Variants in UPK1B observed in about 807,000 individuals in gnomAD.
The protein encoded by UPK1B is uroplakin 1B.
UPK1B carries 28 observed loss-of-function variants against 34.2 expected under a neutral mutation model. That is an observed-to-expected ratio of 0.82 (90% CI 0.61 to 1.12). UPK1B has a LOEUF of 1.12. Among genes scored for constraint, UPK1B ranks in the 50% most tolerant of loss-of-function variants. The probability of loss-of-function intolerance (pLI) is 0.00; values close to 1 mark genes in which losing one functional copy is unlikely to be tolerated. For synonymous variants in UPK1B, 81 were observed against 110.4 expected (o/e 0.73, Z 1.67); for missense variants, 325 against 320.9 (o/e 1.01, Z -0.10).
rs376288568 is a variant in UPK1B, at chr3:119,190,938, T to C, written c.346-44T>C. 33 of 1,604,722 alleles carry C rather than the reference T, an allele frequency of 2.1e-5. No homozygotes were observed. In the African/African-American group the frequency reaches 3.9e-4, roughly 19 times the overall value. ...AAAATATTTTCCTCTCCTTGAAAAT[T>C]AGCGTGCTATCTCTCCCTCTTGTGT... is the stretch of plus-strand genomic sequence containing the variant. On this transcript the variant is annotated intron_variant, in intron 4 of 7. Coordinates refer to ENST00000264234, the MANE Select transcript of UPK1B (RefSeq NM_006952.4).
At chr3:119,185,091 T>C (rs532569067) in intron 1 of UPK1B, among the ~76,000 whole-genome samples, 2 of 152,236 alleles carry the variant, frequency 1.3e-5, no homozygotes, top group Non-Finnish European at 2.9e-5. Flanking sequence ...ATGAATGGCA[T>C]TTCTAAGCAG....
chr3:119,194,135 T>C, intron 5 of UPK1B, 84 bp from the exon 6 acceptor site: 2 of 1,339,390 alleles, frequency 1.5e-6, no homozygotes, highest in Non-Finnish European at 2.0e-6. Context: ...CCGTATCTTC[T>C]TTCTCTATAA....
At chr3:119,185,186 G>C (rs766292225) in intron 1 of UPK1B, among the ~76,000 whole-genome samples, 1 of 152,202 alleles carries the variant, frequency 6.6e-6, no homozygotes, top group Non-Finnish European at 1.5e-5. Flanking sequence ...CAAATTCTGA[G>C]CTAAAAGTGC....
rs555457884 is a variant in UPK1B, at chr3:119,204,963, T to C, written c.*996T>C. 6.6e-6 allele frequency: 1 copy of C among 152,280 alleles called. No individual in the cohort carries two copies. Among genetic ancestry groups the C allele is most frequent in the Admixed American group, 6.5e-5 (1 of 15,296 alleles). 9.4% of individuals were successfully genotyped at this position (152,280 alleles called of 1,614,324 possible). A position where few individuals can be genotyped will look rare whatever the true frequency, so the allele number is the denominator to read the frequency against. On this transcript the variant is annotated 3_prime_UTR_variant, in exon 8 of 8. Coordinates refer to ENST00000264234, the MANE Select transcript of UPK1B (RefSeq NM_006952.4). ...AGTCTTTGCCCTGAATGGTCTCAGC[T>C]TGAGACCATTTCAAACTGGAGAGAA...
rs568682676 is a variant in UPK1B, at chr3:119,204,346, A to G, written c.*379A>G. ...CCTGTATCTCTCACTATTATCTAAA[A>G]GAAACCTTCCAATGCTTCTGTTGAT... is the stretch of plus-strand genomic sequence containing the variant. On this transcript the variant is annotated 3_prime_UTR_variant, in exon 8 of 8. Coordinates refer to ENST00000264234, the MANE Select transcript of UPK1B (RefSeq NM_006952.4). The G allele has an allele frequency of 5.3e-6, 1 of 188,262 alleles. No individual in the cohort carries two copies. The highest frequency in any genetic ancestry group is 1.1e-5 in the Non-Finnish European group (1 of 90,726). 11.7% of individuals were successfully genotyped at this position (188,262 alleles called of 1,614,324 possible). A position where few individuals can be genotyped will look rare whatever the true frequency, so the allele number is the denominator to read the frequency against.
intron 5 of UPK1B, among the ~76,000 whole-genome samples, chr3:119,193,576 T>C (rs2078052930): frequency 6.6e-6 from 1 of 152,162 alleles, no homozygotes. Flanking sequence ...CACCAGGTTA[T>C]TTTTTTCACT....
chr3:119,201,961 G>A (rs1221037457), intron 7 of UPK1B, among the ~76,000 whole-genome samples: 1 of 152,140 alleles, frequency 6.6e-6, no homozygotes, highest in African/African-American at 2.4e-5. Context: ...ATGTTTAAAG[G>A]CTTTGAGTAT....
At chr3:119,202,595 G>A (rs1273511239) in intron 7 of UPK1B, among the ~76,000 whole-genome samples, 2 of 152,140 alleles carry the variant, frequency 1.3e-5, no homozygotes, top group African/African-American at 4.8e-5. Flanking sequence ...GGAAATTTAA[G>A]TGACTTGGCT....
chr3:119,174,936 A>G (rs1014971689), intron 1 of UPK1B, among the ~76,000 whole-genome samples: 1 of 146,346 alleles, frequency 6.8e-6, no homozygotes, highest in Non-Finnish European at 1.5e-5. Flanking sequence ...AGACTTTTAC[A>G]TCCAAAGGGG....
intron 7 of UPK1B, among the ~76,000 whole-genome samples, chr3:119,200,614 C>T (rs1267235705): frequency 6.6e-6 from 1 of 152,058 alleles, no homozygotes; most frequent in Non-Finnish European, 1.5e-5. Flanking sequence ...TTGATATTGC[C>T]ACATGGAAAA....
At chr3:119,183,284 T>TTTTTTC (rs1559900872) in intron 1 of UPK1B, among the ~76,000 whole-genome samples, 1 of 150,684 alleles carries the variant, frequency 6.6e-6, no homozygotes. Context: ...TTTTTTTTTT[T>TTTTTTC]TGGAGATGGA....
chr3:119,203,757 A>G (rs952904578), intron 7 of UPK1B, among the ~76,000 whole-genome samples, 160 bp from the exon 8 acceptor site: 1 of 152,056 alleles, frequency 6.6e-6, no homozygotes, highest in Non-Finnish European at 1.5e-5. Flanking sequence ...CTGTACATGT[A>G]TCCTGTTTTT....
intron 1 of UPK1B, among the ~76,000 whole-genome samples, chr3:119,185,977 C>G (rs2078016054): frequency 6.6e-6 from 1 of 152,190 alleles, no homozygotes; most frequent in South Asian, 2.1e-4. Context: ...GGTCTCTAGC[C>G]TAGCTCTGCC....
At chr3:119,185,240 G>T (rs2078012653) in intron 1 of UPK1B, among the ~76,000 whole-genome samples, 1 of 152,176 alleles carries the variant, frequency 6.6e-6, no homozygotes, top group African/African-American at 2.4e-5. Flanking sequence ...CAGGTAAACA[G>T]ATAAAGGAAA....
Position 119,184,722 on chromosome 3 carries a change from T to A in UPK1B, c.-28-1992T>A, listed in dbSNP as rs1159147285. ...GCCTGGGCAACAGAGCAAGACTCTG[T>A]CTCAAAAAATAATAATAATAATAAA... On this transcript the variant is annotated intron_variant, in intron 1 of 7. Transcript: ENST00000264234. Among the ~76,000 whole-genome samples, 3 of 151,956 alleles carry A rather than the reference T, an allele frequency of 2.0e-5. No individual in the cohort carries two copies. The East Asian group carries it at 5.8e-4, about 29-fold the overall frequency.
intron 5 of UPK1B, among the ~76,000 whole-genome samples, chr3:119,193,127 T>C (rs537715641): frequency 6.6e-6 from 1 of 152,322 alleles, no homozygotes; most frequent in South Asian, 2.1e-4. Context: ...CTACTCCCGC[T>C]TAGTCTCCTC....
At chr3:119,176,887 A>G (rs1457647761) in intron 1 of UPK1B, among the ~76,000 whole-genome samples, 1 of 152,254 alleles carries the variant, frequency 6.6e-6, no homozygotes, top group Non-Finnish European at 1.5e-5. Flanking sequence ...AAGAGGACAC[A>G]TCATATCATT....
At chr3:119,186,945 G>T in intron 2 of UPK1B, 135 bp downstream of exon 2, 1 of 851,126 alleles carries the variant, frequency 1.2e-6, no homozygotes, top group Non-Finnish European at 1.8e-6. Flanking sequence ...TTTAAGAAAT[G>T]TGTTAGTAAA....
intron 3 of UPK1B, among the ~76,000 whole-genome samples, chr3:119,189,765 T>C (rs530343156): frequency 2.6e-5 from 4 of 152,354 alleles, no homozygotes; most frequent in Admixed American, 2.6e-4. Flanking sequence ...CTGAACTCCG[T>C]GATTCTAAAT....
Sources: allele counts gnomAD v4.1 joint callset (sites outside exome capture counted in the v4.1 genomes callset), GRCh38; gene constraint gnomAD v4.1.1; transcripts MANE v1.5; gene names NCBI Gene and HGNC (gene_info 2026-07-23, HGNC 2026-07-21).